The following PLSCR2 variants were observed in gnomAD, a reference collection of about 807,000 sequenced individuals.
The protein encoded by PLSCR2 is PL scramblase 2.
In PLSCR2, 18 loss-of-function variants were observed where a neutral mutation model predicts 25.3. That is an observed-to-expected ratio of 0.71 (90% CI 0.49 to 1.06). The LOEUF (loss-of-function observed/expected upper bound fraction) is 1.06, where lower values mean the gene tolerates loss of function less well. Among genes scored for constraint, PLSCR2 ranks in the 50% least tolerant of loss-of-function variants. PLSCR2 has a pLI of 0.00. For missense variants in PLSCR2, 243 were observed against 269.5 expected (o/e 0.90, Z 0.69); for synonymous variants, 88 against 87.3 (o/e 1.01, Z -0.04).
At chr3:146,420,398 A>T (rs1451095634) in intron 2 of PLSCR2, among the ~76,000 whole-genome samples, 1 of 152,090 alleles carries the variant, frequency 6.6e-6, no homozygotes, top group Non-Finnish European at 1.5e-5. Flanking sequence ...CTATATTTTC[A>T]ATAAATATAT....
chr3:146,484,315 T>A (rs1319392571), intron 1 of PLSCR2, among the ~76,000 whole-genome samples: 1 of 151,230 alleles, frequency 6.6e-6, no homozygotes, highest in Non-Finnish European at 1.5e-5. Flanking sequence ...TATGGCTGAC[T>A]GGAGTACCTG....
intron 2 of PLSCR2, among the ~76,000 whole-genome samples, chr3:146,412,730 C>A (rs542089847): frequency 2.6e-5 from 4 of 152,078 alleles, no homozygotes; most frequent in African/African-American, 4.8e-5. Context: ...TTATTCCTGA[C>A]GCAGATAGCC....
downstream of PLSCR2, among the ~76,000 whole-genome samples, chr3:146,429,462 T>A (rs1303690733): frequency 6.6e-6 from 1 of 152,160 alleles, no homozygotes; most frequent in East Asian, 1.9e-4. Context: ...AGCTGCATTG[T>A]GTCCATGACC....
intron 1 of PLSCR2, among the ~76,000 whole-genome samples, chr3:146,472,661 C>G (rs2108501715): frequency 6.6e-6 from 1 of 152,234 alleles, no homozygotes; most frequent in East Asian, 1.9e-4. Context: ...GAGTTCCATT[C>G]TCGTGACCTA....
intron 2 of PLSCR2, among the ~76,000 whole-genome samples, chr3:146,421,235 A>T (rs959669214): frequency 6.6e-6 from 1 of 152,072 alleles, no homozygotes. Context: ...CTAGATACAA[A>T]CATAAATGTC....
At chr3:146,430,156 C>T (rs1174610934), downstream of PLSCR2, among the ~76,000 whole-genome samples, 1 of 152,110 alleles carries the variant, frequency 6.6e-6, no homozygotes, top group Non-Finnish European at 1.5e-5. Context: ...GCTGTAGAGC[C>T]ACCACTTGCT....
At chr3:146,489,789 A>G (rs140251386) in intron 1 of PLSCR2, among the ~76,000 whole-genome samples, 33 of 152,196 alleles carry the variant, frequency 2.2e-4, no homozygotes, top group African/African-American at 7.5e-4. Flanking sequence ...GTGTGGAATA[A>G]TCTCCCATCT....
At chr3:146,404,284 T>G (rs183459200) in intron 2 of PLSCR2, among the ~76,000 whole-genome samples, 4 of 152,290 alleles carry the variant, frequency 2.6e-5, no homozygotes, top group African/African-American at 9.6e-5. Flanking sequence ...CACCAAAACT[T>G]TATAACAATC....
intron 2 of PLSCR2, among the ~76,000 whole-genome samples, chr3:146,419,607 C>T (rs2039084516): frequency 6.6e-6 from 1 of 152,068 alleles, no homozygotes; most frequent in Non-Finnish European, 1.5e-5. Flanking sequence ...CTTGAATCGG[C>T]AGGACTCTAT....
At chr3:146,435,489 T>C (rs2039786620) in intron 8 of PLSCR2, among the ~76,000 whole-genome samples, 1 of 152,182 alleles carries the variant, frequency 6.6e-6, no homozygotes, top group South Asian at 2.1e-4. Flanking sequence ...TGGTATCTCA[T>C]TGTGGTTTTG....
chr3:146,420,187 C>A (rs1409566187), intron 2 of PLSCR2, among the ~76,000 whole-genome samples: 1 of 152,006 alleles, frequency 6.6e-6, no homozygotes, highest in Admixed American at 6.6e-5. Flanking sequence ...ACAAGTTTTA[C>A]CAGTATTCTG....
intron 8 of PLSCR2, among the ~76,000 whole-genome samples, chr3:146,434,411 C>T (rs766250851): frequency 1.2e-3 from 185 of 152,088 alleles, no homozygotes; most frequent in Admixed American, 2.0e-3. Flanking sequence ...TACTTGGAAT[C>T]GTACAAAATT....
At chr3:146,434,381 C>A (rs982841470) in intron 8 of PLSCR2, among the ~76,000 whole-genome samples, 4 of 151,964 alleles carry the variant, frequency 2.6e-5, no homozygotes, top group Admixed American at 1.3e-4. Flanking sequence ...AATATGTATG[C>A]CTATTTATTC....
At chr3:146,420,156 A>G (rs1251976787) in intron 2 of PLSCR2, among the ~76,000 whole-genome samples, 2 of 152,028 alleles carry the variant, frequency 1.3e-5, no homozygotes, top group African/African-American at 4.8e-5. Flanking sequence ...TTAATTTTCC[A>G]AGTTCTGAAG....
exon 1 of PLSCR2, chr3:146,460,268 A>G (rs1576681053): frequency 4.5e-6 from 6 of 1,341,294 alleles, no homozygotes; most frequent in South Asian, 1.9e-5. Flanking sequence ...ATTCACTTCT[A>G]TTTTGAGGGT....
chr3:146,405,830 C>T (rs550944417), intron 2 of PLSCR2, among the ~76,000 whole-genome samples: 70 of 152,068 alleles, frequency 4.6e-4, no homozygotes, highest in Non-Finnish European at 7.9e-4. Flanking sequence ...TTTTTGTTGG[C>T]GCTTATCTAG....
intron 1 of PLSCR2, among the ~76,000 whole-genome samples, chr3:146,484,805 T>C (rs2043282634): frequency 6.6e-6 from 1 of 151,816 alleles, no homozygotes; most frequent in Admixed American, 6.6e-5. Flanking sequence ...AAATATGACA[T>C]GGAAAAACTG....
intron 1 of PLSCR2, among the ~76,000 whole-genome samples, chr3:146,484,248 T>C (rs1032575838): frequency 1.4e-5 from 2 of 144,618 alleles, no homozygotes; most frequent in African/African-American, 5.1e-5. Flanking sequence ...GAAAAAAGAA[T>C]GAAAAGGAAT....
chr3:146,426,368 G>C (rs751283899), intron 2 of PLSCR2, among the ~76,000 whole-genome samples: 1 of 151,428 alleles, frequency 6.6e-6, no homozygotes, highest in Admixed American at 6.6e-5. Flanking sequence ...TCTACCTATT[G>C]GACTGGTGGT....
Sources: allele counts gnomAD v4.1 joint callset (sites outside exome capture counted in the v4.1 genomes callset), GRCh38; gene constraint gnomAD v4.1.1; transcripts MANE v1.5; gene names NCBI Gene and HGNC (gene_info 2026-07-23, HGNC 2026-07-21).